The following EIF3H variants were observed in gnomAD, a reference collection of about 807,000 sequenced individuals.
EIF3H encodes eIF-3-gamma.
Under a neutral mutation model 44.2 loss-of-function variants are expected in EIF3H, and 26 were observed. The ratio of observed to expected loss-of-function variants is 0.59; its 90% CI spans 0.43 to 0.82. EIF3H has a LOEUF of 0.82. Ranked by LOEUF, EIF3H falls within the 40% of genes least tolerant of loss-of-function variation. The pLI, the probability that EIF3H is intolerant of heterozygous loss-of-function variation, is 0.00. For synonymous variants in EIF3H, 166 were observed against 151.9 expected (o/e 1.09, Z -0.68); for missense variants, 359 against 432.8 (o/e 0.83, Z 1.51).
At chr8:116,674,447 G>A (rs1244867556) in intron 2 of EIF3H, among the ~76,000 whole-genome samples, 2 of 151,992 alleles carry the variant, frequency 1.3e-5, no homozygotes, top group East Asian at 1.9e-4. Context: ...TCTATCATAC[G>A]CATTCTATCC....
intron 2 of EIF3H, among the ~76,000 whole-genome samples, chr8:116,662,816 T>C (rs549314701): frequency 6.6e-6 from 1 of 152,236 alleles, no homozygotes; most frequent in Admixed American, 6.5e-5. Context: ...CTTTGGCCTA[T>C]GGACAAGGGA....
At chr8:116,667,383 A>G (rs1813687520) in intron 2 of EIF3H, among the ~76,000 whole-genome samples, 1 of 152,086 alleles carries the variant, frequency 6.6e-6, no homozygotes, top group Non-Finnish European at 1.5e-5. Flanking sequence ...CCTTTCCTAT[A>G]AATCTCAGTT....
intron 2 of EIF3H, among the ~76,000 whole-genome samples, chr8:116,664,387 G>T (rs1331523274): frequency 6.6e-6 from 1 of 152,198 alleles, no homozygotes; most frequent in African/African-American, 2.4e-5. Context: ...ATCTGAAGTT[G>T]CAATGGCAAC....
intron 1 of EIF3H, among the ~76,000 whole-genome samples, chr8:116,743,299 A>T (rs182214514): frequency 3.2e-4 from 49 of 152,154 alleles, no homozygotes; most frequent in African/African-American, 1.2e-3. Flanking sequence ...AGAAAAATAA[A>T]AAAATTAGCC....
rs1586479019 is a variant in EIF3H, at chr8:116,726,089, T to C, written c.216A>G (p.Val72=). 1.2e-6 allele frequency: 2 copies of C among 1,614,124 alleles called. No homozygotes were observed. The highest frequency in any genetic ancestry group is 1.7e-6 in the Non-Finnish European group (2 of 1,179,982). ...VVQGVLLGLV[V]EDRLEITNCF... The stretch of plus-strand genomic sequence containing the variant: ...AGTTGGTAATTTCAAGCCGATCTTC[T>C]ACAACCAGACCCAAAAGCACTCCTT... Residue 72 remains valine (V), a synonymous_variant, in exon 2 of 8, where the codon GTA becomes GTG. Transcript: ENST00000521861.
At chr8:116,675,160 T>C (rs1387233949) in intron 2 of EIF3H, among the ~76,000 whole-genome samples, 1 of 119,410 alleles carries the variant, frequency 8.4e-6, no homozygotes, top group South Asian at 2.4e-4. Context: ...GTGCTACCAC[T>C]TGATAAAGTC....
At chr8:116,754,348 T>A (rs966527344) in intron 1 of EIF3H, among the ~76,000 whole-genome samples, 1 of 152,116 alleles carries the variant, frequency 6.6e-6, no homozygotes, top group African/African-American at 2.4e-5. Flanking sequence ...CCTGACCTCC[T>A]GATCCGCCCG....
chr8:116,765,485 T>C (rs1260500887), intron 1 of EIF3H: 1 of 152,188 alleles, frequency 6.6e-6, no homozygotes, highest in African/African-American at 2.4e-5. Flanking sequence ...AATGCAAAAT[T>C]CCATACTCCC....
At chr8:116,702,980 C>T (rs10089833) in intron 2 of EIF3H, among the ~76,000 whole-genome samples, 2 of 151,900 alleles carry the variant, frequency 1.3e-5, no homozygotes, top group African/African-American at 4.8e-5. Context: ...AGATCCCTCA[C>T]ATGCGCAGCT....
At chr8:116,705,518 A>T (rs971758773) in intron 2 of EIF3H, among the ~76,000 whole-genome samples, 21 of 139,316 alleles carry the variant, frequency 1.5e-4, no homozygotes, top group African/African-American at 5.5e-4. Context: ...ACACCCCAGG[A>T]GAATGCAATG....
At chr8:116,686,946 T>G (rs776220824) in intron 2 of EIF3H, among the ~76,000 whole-genome samples, 11 of 152,200 alleles carry the variant, frequency 7.2e-5, no homozygotes, top group Admixed American at 3.9e-4. Context: ...AAGGCAGGCC[T>G]GAGCCATTAT....
At position 116,691,328 on chromosome 8, in the gene EIF3H, C is replaced by T. The variant is rs76811708; in HGVS notation, c.290-32348G>A. The stretch of plus-strand genomic sequence containing the variant: ...CCACCTTTTGGTTTTGACTCACTCC[C>T]CAAGCTCCTACAAACCTGGGGGAAG... On this transcript the variant is annotated intron_variant, in intron 2 of 7. Coordinates refer to ENST00000521861, the MANE Select transcript of EIF3H (RefSeq NM_003756.3). Among the ~76,000 whole-genome samples the T allele has an allele frequency of 3.3e-4, 50 of 152,252 alleles. 1 individual carries two copies. Among genetic ancestry groups the T allele is most frequent in the Admixed American group, 2.1e-3 (32 of 15,288 alleles).
At chr8:116,750,083 T>C (rs1363854351) in intron 1 of EIF3H, among the ~76,000 whole-genome samples, 1 of 152,294 alleles carries the variant, frequency 6.6e-6, no homozygotes, top group African/African-American at 2.4e-5. Context: ...GGGTTCTACC[T>C]TGCTCACCTA....
intron 2 of EIF3H, among the ~76,000 whole-genome samples, chr8:116,713,284 GT>G (rs1814605206): frequency 6.6e-6 from 1 of 152,072 alleles, no homozygotes; most frequent in South Asian, 2.1e-4. Context: ...ATTTGAACAG[GT>G]TTTACTTGGC....
At chr8:116,727,678 G>A (rs1445109543) in intron 1 of EIF3H, among the ~76,000 whole-genome samples, 1 of 152,136 alleles carries the variant, frequency 6.6e-6, no homozygotes, top group Non-Finnish European at 1.5e-5. Context: ...CATACTAAAT[G>A]GCAATATGGA....
chr8:116,655,748 A>C (rs1021182788), intron 5 of EIF3H, 108 bp downstream of exon 5: 1 of 1,212,660 alleles, frequency 8.2e-7, no homozygotes, highest in Non-Finnish European at 1.2e-6. Context: ...AAGAACCTAT[A>C]AACGTTCTTA....
At chr8:116,688,240 T>A (rs1252349915) in intron 2 of EIF3H, among the ~76,000 whole-genome samples, 1 of 152,102 alleles carries the variant, frequency 6.6e-6, no homozygotes, top group Non-Finnish European at 1.5e-5. Flanking sequence ...TGTTGTCTTA[T>A]CTCTCTGGTA....
chr8:116,676,955 A>T (rs1813859601), intron 2 of EIF3H, among the ~76,000 whole-genome samples: 1 of 151,830 alleles, frequency 6.6e-6, no homozygotes, highest in African/African-American at 2.4e-5. Flanking sequence ...TTTAAAATAA[A>T]AAAAAAAAAT....
rs1206204658 is a variant in EIF3H at position 116,690,937 on chromosome 8, A to G, written c.290-31957T>C. On this transcript the variant is annotated intron_variant, in intron 2 of 7. Coordinates refer to ENST00000521861, the MANE Select transcript of EIF3H (RefSeq NM_003756.3). ...GCTCTGATAAGCAAAATGAAAATGT[A>G]TCATGGCTAAGTCCATACTAATTTT... Among the ~76,000 whole-genome samples the G allele has an allele frequency of 2.6e-5, 4 of 152,244 alleles. No individual in the cohort carries two copies. In the South Asian group the frequency reaches 8.3e-4, roughly 32 times the overall value.
Sources: gnomAD v4.1 joint callset for allele counts (sites outside exome capture counted in the v4.1 genomes callset) on GRCh38, gnomAD v4.1.1 for gene constraint, MANE v1.5 for transcripts, NCBI Gene and HGNC (gene_info 2026-07-23, HGNC 2026-07-21) for gene names.